The following SUCO variants were observed in gnomAD, a reference collection of about 807,000 sequenced individuals.
SUCO encodes the protein SUN domain containing ossification factor.
SUCO carries 57 observed loss-of-function variants against 148.1 expected under a neutral mutation model. The observed-to-expected ratio is 0.38, with a 90% CI of 0.31 to 0.48. The LOEUF (loss-of-function observed/expected upper bound fraction) is 0.48. SUCO is among the 20% of genes least tolerant of loss of function. The probability of loss-of-function intolerance (pLI) is 0.96; values close to 1 mark genes in which losing one functional copy is unlikely to be tolerated. For synonymous variants in SUCO, 470 were observed against 502.7 expected (o/e 0.93, Z 0.87); for missense variants, 1,331 against 1,468.2 (o/e 0.91, Z 1.53).
chr1:172,576,044 C>T (rs1315467992), intron 11 of SUCO, among the ~76,000 whole-genome samples: 1 of 151,838 alleles, frequency 6.6e-6, no homozygotes, highest in East Asian at 1.9e-4. Context: ...GGCATTGTTA[C>T]AGCTTTTGTC....
intron 16 of SUCO, 98 bp from the exon 17 acceptor site, chr1:172,585,760 G>T: frequency 1.3e-5 from 10 of 768,234 alleles, no homozygotes; most frequent in South Asian, 2.2e-5. Flanking sequence ...AACCTATTTG[G>T]CTTTTTTCTT....
intron 20 of SUCO, 105 bp from the exon 21 acceptor site, chr1:172,601,959 A>G (rs763610063): frequency 4.4e-4 from 516 of 1,184,282 alleles, no homozygotes; most frequent in Non-Finnish European, 5.7e-4. Flanking sequence ...TTTGAAGCAC[A>G]TTAAAAAAAT....
chr1:172,541,787 A>G (rs1438044696), intron 1 of SUCO: 1 of 881,712 alleles, frequency 1.1e-6, no homozygotes, highest in Non-Finnish European at 1.4e-6. Flanking sequence ...GGACAAAACA[A>G]AGTAACTGCT....
chr1:172,546,706 C>T (rs1233637254), intron 1 of SUCO, among the ~76,000 whole-genome samples: 2 of 152,068 alleles, frequency 1.3e-5, no homozygotes, highest in Non-Finnish European at 2.9e-5. Context: ...CCCAGGAGTT[C>T]GAGACTAGCC....
At chr1:172,537,073 C>G (rs1433464625) in intron 1 of SUCO, among the ~76,000 whole-genome samples, 1 of 152,086 alleles carries the variant, frequency 6.6e-6, no homozygotes, top group Admixed American at 6.5e-5. Flanking sequence ...TACCCTATAC[C>G]ATACTCCCTC....
chr1:172,553,348 A>T lies in SUCO; in HGVS notation c.266A>T (p.Asp89Val), dbSNP rs1399946407. Residue 89 changes from aspartate (D) to valine (V), a missense_variant, in exon 3 of 24, where the codon GAT becomes GTT. Asp to Val is a radical substitution (Grantham distance 152). This residue lies in a region of SUCO where 992 missense variants were observed against 1,093.5 expected (regional missense o/e 0.91). Coordinates refer to ENST00000263688, the MANE Select transcript of SUCO (RefSeq NM_014283.5). ...PISPKEHKLK[D>V]DSIVDVQNTE... Reference sequence around the variant, plus strand: ...TCTCCAAAAGAACATAAATTAAAAGATGATTCTATTGTGGATGTACAAGTA... The same window carrying T: ...TCTCCAAAAGAACATAAATTAAAAGTTGATTCTATTGTGGATGTACAAGTA... 1 of 1,602,132 alleles carries T rather than the reference A, an allele frequency of 6.2e-7. No homozygotes were observed. Among genetic ancestry groups the T allele is most frequent in the Non-Finnish European group, 8.5e-7 (1 of 1,172,318 alleles).
intron 1 of SUCO, among the ~76,000 whole-genome samples, chr1:172,541,591 G>C (rs531829543): frequency 2.0e-5 from 3 of 152,220 alleles, no homozygotes; most frequent in Non-Finnish European, 4.4e-5. Context: ...TTTGTGAAAG[G>C]TTGGCAAGCT....
At chr1:172,569,940 T>G in intron 7 of SUCO, 107 bp from the exon 8 acceptor site, 1 of 1,083,648 alleles carries the variant, frequency 9.2e-7, no homozygotes, top group Non-Finnish European at 1.2e-6. Flanking sequence ...AACCTATTCT[T>G]TTCTAGAAGA....
intron 2 of SUCO, chr1:172,552,734 A>G (rs1218366382): frequency 3.1e-5 from 20 of 643,246 alleles, no homozygotes; most frequent in Non-Finnish European, 3.5e-5. Context: ...GCATTTTGCA[A>G]ACAAATGTCA....
intron 23 of SUCO, 135 bp downstream of exon 23, chr1:172,608,937 T>A: frequency 1.5e-6 from 1 of 683,106 alleles, no homozygotes. Context: ...GATAATGTTG[T>A]AAATAAATAT....
chr1:172,551,786 G>A lies in SUCO; in HGVS notation c.177+160G>A, dbSNP rs969087499. 34 of 558,474 alleles carry A rather than the reference G, an allele frequency of 6.1e-5. 1 individual carries two copies. Among genetic ancestry groups the A allele is most frequent in the South Asian group, 3.3e-4 (15 of 44,840 alleles). The allele number at this position is 558,474 out of a possible 1,614,324, so 34.6% of individuals were successfully genotyped here. A position where few individuals can be genotyped will look rare whatever the true frequency, so the allele number is the denominator to read the frequency against. On this transcript the variant is annotated intron_variant, in intron 2 of 23. Transcript: ENST00000263688. ...ACTCAGGTAATTCTTAAATTATGAC[G>A]GCTCAGAGATATTTATATGTTTATT...
upstream of SUCO, chr1:172,532,666 G>A: frequency 6.2e-7 from 1 of 1,614,070 alleles, no homozygotes; most frequent in African/African-American, 1.3e-5. Context: ...CTCGTGGTGA[G>A]CAGCGAAACT....
At chr1:172,568,408 C>G in intron 6 of SUCO, 4 of 976,614 alleles carry the variant, frequency 4.1e-6, no homozygotes, top group Non-Finnish European at 4.9e-6. Context: ...CAGTGTGTGA[C>G]TTATTCGTCC....
chr1:172,573,897 T>G lies in SUCO; in HGVS notation c.1056T>G (p.Val352=), dbSNP rs762605365. 2 of 1,561,796 alleles carry G rather than the reference T, an allele frequency of 1.3e-6. No homozygotes were observed. Among genetic ancestry groups the G allele is most frequent in the South Asian group, 2.3e-5 (2 of 88,286 alleles). ...LNPCSTKIWF[V]IELCEPIQVK... ...TCTTTTGTTCTTTTTGAAGGTTTGT[T>G]ATTGAACTTTGTGAACCAATTCAAG... The change falls in exon 10 of 24, where the codon GTT becomes GTG. Residue 352 remains valine (V), a synonymous_variant. Coordinates refer to ENST00000263688, the MANE Select transcript of SUCO (RefSeq NM_014283.5).
chr1:172,590,898 A>G, intron 18 of SUCO, 86 bp from the exon 19 acceptor site: 1 of 896,612 alleles, frequency 1.1e-6, no homozygotes, highest in Non-Finnish European at 1.8e-6. Flanking sequence ...GATTTGTCTC[A>G]TATATCAAAA....
chr1:172,550,779 A>G (rs1212068309), intron 1 of SUCO: 5 of 295,100 alleles, frequency 1.7e-5, no homozygotes, highest in Non-Finnish European at 2.5e-5. Flanking sequence ...GATTCTTAAA[A>G]CATTGATGGA....
chr1:172,562,743 C>T (rs1011386666), intron 6 of SUCO, among the ~76,000 whole-genome samples: 4 of 152,164 alleles, frequency 2.6e-5, no homozygotes, highest in East Asian at 1.9e-4. Context: ...AACCTTGTCA[C>T]GACATAACAC....
At chr1:172,590,031 A>G in intron 18 of SUCO, 105 bp downstream of exon 18, 2 of 981,388 alleles carry the variant, frequency 2.0e-6, no homozygotes, top group Non-Finnish European at 2.8e-6. Flanking sequence ...TCATGATATA[A>G]TAGAGGTAAG....
intron 10 of SUCO, chr1:172,574,922 G>T (rs1166256955): frequency 1.0e-6 from 1 of 984,076 alleles, no homozygotes; most frequent in Admixed American, 6.2e-5. Flanking sequence ...TTTTCTCTCA[G>T]CTGCAATTTT....
Sources: allele counts gnomAD v4.1 joint callset (sites outside exome capture counted in the v4.1 genomes callset), GRCh38; gene constraint gnomAD v4.1.1; regional missense constraint gnomAD v4.1.1; transcripts MANE v1.5; gene names NCBI Gene and HGNC (gene_info 2026-07-23, HGNC 2026-07-21).